ARHGAP5: variants seen among roughly 807,000 people sequenced by gnomAD.
ARHGAP5 encodes rho GTPase-activating protein 5.
ARHGAP5 carries 23 observed loss-of-function variants against 116.6 expected under a neutral mutation model. That is an observed-to-expected ratio of 0.20 (90% confidence interval 0.14 to 0.28). The LOEUF is 0.28. Among genes scored for constraint, ARHGAP5 ranks in the 10% least tolerant of loss-of-function variants. The probability of loss-of-function intolerance (pLI) is 1.00; values close to 1 mark genes in which losing one functional copy is unlikely to be tolerated. For missense variants in ARHGAP5, 1,405 were observed against 1,774.8 expected, an observed-to-expected ratio of 0.79 and a Z score of 3.74; for synonymous variants, 574 against 602.0, an observed-to-expected ratio of 0.95 and a Z score of 0.68.
chr14:32,126,081 T>A (rs1256479133), intron 3 of ARHGAP5, among the ~76,000 whole-genome samples: 1 of 152,224 alleles, frequency 6.6e-6, no homozygotes, highest in Non-Finnish European at 1.5e-5. Flanking sequence ...GCTTTCTATT[T>A]CTTTGTCTTG....
At chr14:32,153,397 ACT>A (rs1566687369) in intron 6 of ARHGAP5, among the ~76,000 whole-genome samples, 1 of 105,070 alleles carries the variant, frequency 9.5e-6, no homozygotes, top group Non-Finnish European at 1.9e-5. Flanking sequence ...ACAGAGCAAG[ACT>A]CTGTCTCAAA....
Position 32,117,181 on chromosome 14 carries a change from A to C in ARHGAP5, c.3759A>C (p.Arg1253Ser). 6.2e-7 allele frequency: 1 copy of C among 1,612,008 alleles called. No individual in the cohort carries two copies. Among genetic ancestry groups the C allele is most frequent in the Non-Finnish European group, 8.5e-7 (1 of 1,178,868 alleles). The change falls in exon 3 of 7, where the codon AGA (arginine) becomes AGC (serine). Residue 1253 changes from arginine to serine, a missense_variant. By Grantham distance (110) the Arg-to-Ser change is moderately radical. This residue lies in a region of ARHGAP5 where 176 missense variants were observed against 221.2 expected (regional missense o/e 0.80). Transcript: ENST00000345122. ...KTKNFNPPTR[R>S]NWESNYFGMP... Reference sequence around the variant, plus strand: ...AGAACTTCAATCCACCAACACGTAGAAATTGGGAAAGTAATTACTTTGGGA... The same window carrying C: ...AGAACTTCAATCCACCAACACGTAGCAATTGGGAAAGTAATTACTTTGGGA...
At chr14:32,146,668 G>A (rs2139139613) in intron 4 of ARHGAP5, among the ~76,000 whole-genome samples, 1 of 152,216 alleles carries the variant, frequency 6.6e-6, no homozygotes, top group East Asian at 1.9e-4. Context: ...TAGAAGAAAA[G>A]ATTGAAAACG....
chr14:32,091,978 A>G lies in ARHGAP5; in HGVS notation c.1309A>G (p.Thr437Ala), dbSNP rs762893635. 9.9e-6 allele frequency: 16 copies of G among 1,613,680 alleles called. No individual in the cohort carries two copies. Among genetic ancestry groups the G allele is most frequent in the East Asian group, 2.2e-5 (1 of 44,864 alleles). ...GGAAATGAAGGAAAAATTCAAAAAG[A>G]CTTTGGAAAAAATTCAATTCATTTC... is the stretch of plus-strand genomic sequence containing the variant. ...RVEMKEKFKKTLEKIQFISPG... is the reference protein window; with the variant it reads ...RVEMKEKFKKALEKIQFISPG... The change falls in exon 2 of 7, where the codon ACT becomes GCT. Residue 437 changes from threonine to alanine, a missense_variant. Around this residue, in one of 6 missense-constraint regions of ARHGAP5, gnomAD observed 944 missense variants for 1,095.3 expected, o/e 0.86. Transcript: ENST00000345122.
At chr14:32,119,920 T>C (rs1879797463) in intron 3 of ARHGAP5, among the ~76,000 whole-genome samples, 1 of 152,164 alleles carries the variant, frequency 6.6e-6, no homozygotes. Flanking sequence ...TGAAGGATTT[T>C]AGTCTGTAGT....
chr14:32,077,551 G>C, intron 1 of ARHGAP5, 116 bp downstream of exon 1: 1 of 571,304 alleles, frequency 1.8e-6, no homozygotes, highest in South Asian at 2.0e-5. Flanking sequence ...AGTTGAAGGG[G>C]CTGGGGCCCC....
intron 3 of ARHGAP5, among the ~76,000 whole-genome samples, chr14:32,136,558 C>G (rs1880812597): frequency 6.6e-6 from 1 of 152,120 alleles, no homozygotes; most frequent in African/African-American, 2.4e-5. Context: ...GTGAATAGTG[C>G]TGCTGTGAAT....
chr14:32,113,422 C>T (rs1300740776), intron 2 of ARHGAP5, among the ~76,000 whole-genome samples: 2 of 152,230 alleles, frequency 1.3e-5, no homozygotes, highest in African/African-American at 4.8e-5. Context: ...ATTTGACTGT[C>T]AGAGCAGTTC....
Position 32,158,546 on chromosome 14 carries a change from TGTCA to T in ARHGAP5, c.*3602_*3605del, listed in dbSNP as rs1881994108. On this transcript the variant is annotated 3_prime_UTR_variant, in exon 7 of 7. Transcript: ENST00000345122. ...TTAGGCCAAATTTTGTGGTATATGT[TGTCA>T]GTCTGGATCTGGTGAGGTCTGTTCA... 1 of 152,020 alleles carries T rather than the reference TGTCA, an allele frequency of 6.6e-6. No individual in the cohort carries two copies. Among genetic ancestry groups the T allele is most frequent in the African/African-American group, 2.4e-5 (1 of 41,442 alleles). The allele number at this position is 152,020 out of a possible 1,614,324, so 9.4% of individuals were successfully genotyped here.
intron 4 of ARHGAP5, among the ~76,000 whole-genome samples, chr14:32,148,876 T>C (rs1447845580): frequency 6.6e-6 from 1 of 152,202 alleles, no homozygotes; most frequent in Non-Finnish European, 1.5e-5. Flanking sequence ...TGATACACCT[T>C]TAGTATGTTC....
chr14:32,126,483 T>C (rs969765586), intron 3 of ARHGAP5, among the ~76,000 whole-genome samples: 3 of 152,230 alleles, frequency 2.0e-5, no homozygotes, highest in Non-Finnish European at 2.9e-5. Flanking sequence ...ATCAGTCATA[T>C]TGGGTTAAGG....
chr14:32,158,386 A>G lies in ARHGAP5; in HGVS notation c.*3438A>G, dbSNP rs1343273664. ...TAATGCACAGATTTCTAAGACTAAG[A>G]TCTTACCTGGATGTGATTTTTGAGC... On this transcript the variant is annotated 3_prime_UTR_variant, in exon 7 of 7. Transcript: ENST00000345122. 6.6e-6 allele frequency: 1 copy of G among 151,936 alleles called. No homozygotes were observed. The highest frequency in any genetic ancestry group is 1.5e-5 in the Non-Finnish European group (1 of 67,832). The allele number at this position is 151,936 out of a possible 1,614,324, so 9.4% of individuals were successfully genotyped here.
At chr14:32,089,696 G>A (rs17098508) in intron 1 of ARHGAP5, among the ~76,000 whole-genome samples, 8,988 of 151,840 alleles carry the variant, frequency 0.059, 888 homozygotes, top group African/African-American at 0.2. Flanking sequence ...ATGAGAGGAA[G>A]TATATCCAGA....
At position 32,156,005 on chromosome 14, in the gene ARHGAP5, T is replaced by C. The variant is rs1182206258; in HGVS notation, c.*1057T>C. ...TGCTAATATAGCAATAAAAATACTT[T>C]GGGTACTGACAGACTCTTTGGAGTG... On this transcript the variant is annotated 3_prime_UTR_variant, in exon 7 of 7. Coordinates refer to ENST00000345122, the MANE Select transcript of ARHGAP5 (RefSeq NM_001030055.2). 2.0e-5 allele frequency: 3 copies of C among 152,652 alleles called. No homozygotes were observed. Among genetic ancestry groups the C allele is most frequent in the East Asian group, 1.9e-4 (1 of 5,182 alleles). 9.5% of individuals were successfully genotyped at this position (152,652 alleles called of 1,614,324 possible).
At chr14:32,108,874 T>C (rs952966256) in intron 2 of ARHGAP5, among the ~76,000 whole-genome samples, 4 of 152,206 alleles carry the variant, frequency 2.6e-5, no homozygotes, top group Admixed American at 2.6e-4. Context: ...GGTGTATGTG[T>C]GAATCTATTA....
At chr14:32,098,189 G>A (rs764170252) in intron 2 of ARHGAP5, among the ~76,000 whole-genome samples, 1 of 152,192 alleles carries the variant, frequency 6.6e-6, no homozygotes, top group African/African-American at 2.4e-5. Flanking sequence ...AATGGTGGTA[G>A]TGTGTATGCT....
At chr14:32,087,551 G>A (rs2041842594) in intron 1 of ARHGAP5, among the ~76,000 whole-genome samples, 1 of 124,130 alleles carries the variant, frequency 8.1e-6, no homozygotes, top group Non-Finnish European at 1.6e-5. Context: ...AGATAAGGAA[G>A]GCACTCCTCT....
intron 1 of ARHGAP5, among the ~76,000 whole-genome samples, chr14:32,084,891 C>T (rs373522860): frequency 2.6e-4 from 39 of 152,040 alleles, no homozygotes; most frequent in Non-Finnish European, 5.6e-4. Context: ...CATCTGTAGT[C>T]GCAGCTGCTT....
intron 1 of ARHGAP5, among the ~76,000 whole-genome samples, chr14:32,083,000 A>G (rs2138998582): frequency 6.6e-6 from 1 of 152,300 alleles, no homozygotes; most frequent in Middle Eastern, 3.4e-3. Flanking sequence ...TTCCCTTGAG[A>G]CCTAGGGTCA....
Sources: gnomAD v4.1 joint callset for allele counts (sites outside exome capture counted in the v4.1 genomes callset) on GRCh38, gnomAD v4.1.1 for gene constraint, gnomAD v4.1.1 regional missense constraint, MANE v1.5 for transcripts, NCBI Gene and HGNC (gene_info 2026-07-23, HGNC 2026-07-21) for gene names.